The following DACH2 variants were observed in gnomAD, a reference collection of about 807,000 sequenced individuals.
DACH2 encodes dachshund family transcription factor 2, also known as dachshund homolog 2.
A neutral mutation model predicts 35.8 loss-of-function variants in DACH2; 17 were observed. That is an observed-to-expected ratio of 0.48 (90% CI 0.33 to 0.71). The LOEUF (loss-of-function observed/expected upper bound fraction) is 0.71. DACH2 is among the 30% of genes least tolerant of loss of function. The pLI, the probability that DACH2 is intolerant of heterozygous loss-of-function variation, is 0.02. For synonymous variants in DACH2, 195 were observed against 177.3 expected, an observed-to-expected ratio of 1.10 and a Z score of -0.79; for missense variants, 469 against 472.7, an observed-to-expected ratio of 0.99 and a Z score of 0.07.
At position 86,585,862 on chromosome X, in the gene DACH2, C is replaced by T. The variant is rs768735490; in HGVS notation, c.641-65174C>T. Among the ~76,000 whole-genome samples the T allele has an allele frequency of 2.7e-5, 3 of 110,906 alleles. No homozygotes were observed. The South Asian group carries it at 1.1e-3, about 42-fold the overall frequency. On this transcript the variant is annotated intron_variant, in intron 3 of 11. Coordinates refer to ENST00000373125, the MANE Select transcript of DACH2 (RefSeq NM_053281.3). ...ATATCTTTGCTATTGTGAATAGTGC[C>T]GTAATGAATATGTGTGTGCATGTGT...
chrX:86,284,282 G>T (rs914038133), intron 1 of DACH2, among the ~76,000 whole-genome samples: 1 of 111,242 alleles, frequency 9.0e-6, no homozygotes, highest in Admixed American at 9.6e-5. Context: ...CAGATTTTTA[G>T]GGTATTTATC....
intron 7 of DACH2, among the ~76,000 whole-genome samples, chrX:86,760,672 G>A (rs1015144693): frequency 2.7e-5 from 3 of 110,364 alleles, no homozygotes; most frequent in South Asian, 7.5e-4. Flanking sequence ...CTTTAATATC[G>A]ATATTTTAAA....
Position 86,344,248 on chromosome X carries a change from G to A in DACH2, c.489-32576G>A, listed in dbSNP as rs375588506. Among the ~76,000 whole-genome samples the A allele has an allele frequency of 1.2e-4, 13 of 107,006 alleles. No homozygotes were observed. In the Admixed American group the frequency reaches 1.3e-3, roughly 11 times the overall value. The allele number at this position is 107,006 out of a possible 115,157, so 92.9% of individuals were successfully genotyped here. ...AAATAAATAAACAAATTCCATCATTGGAAGAACACTGGAAAGAAGCAGCAA... is the reference window on the plus strand; with the variant it reads ...AAATAAATAAACAAATTCCATCATTAGAAGAACACTGGAAAGAAGCAGCAA... On this transcript the variant is annotated intron_variant, in intron 1 of 11. Coordinates refer to ENST00000373125, the MANE Select transcript of DACH2 (RefSeq NM_053281.3).
At chrX:86,765,697 G>GTTTTTTTTTTTTTTTTTTTTTTT (rs2041925172) in intron 7 of DACH2, among the ~76,000 whole-genome samples, 7 of 35,217 alleles carry the variant, frequency 2.0e-4, no homozygotes, top group East Asian at 9.9e-4. Flanking sequence ...GTTGTTTTTT[G>GTTTTTTTTTTTTTTTTTTTTTTT]GTTTTTTTTT....
intron 1 of DACH2, among the ~76,000 whole-genome samples, chrX:86,298,943 T>C (rs2034520523): frequency 8.9e-6 from 1 of 112,251 alleles, no homozygotes; most frequent in Non-Finnish European, 1.9e-5. Flanking sequence ...AACTGTGCTG[T>C]TGAATGATAA....
chrX:86,302,122 ATATTTTATTT>A (rs1201284704), intron 1 of DACH2, among the ~76,000 whole-genome samples: 1 of 111,458 alleles, frequency 9.0e-6, no homozygotes, highest in South Asian at 3.6e-4. Context: ...TTATACATAT[ATATTTTATTT>A]TATTTTATTA....
intron 2 of DACH2, among the ~76,000 whole-genome samples, chrX:86,400,977 G>A (rs998068191): frequency 4.4e-5 from 5 of 112,485 alleles, no homozygotes; most frequent in Admixed American, 9.3e-5. Flanking sequence ...GCACCCAGAG[G>A]TGGAGCCTAC....
At chrX:86,283,595 G>A (rs1349578316) in intron 1 of DACH2, among the ~76,000 whole-genome samples, 2 of 110,222 alleles carry the variant, frequency 1.8e-5, no homozygotes, top group Non-Finnish European at 3.8e-5. Flanking sequence ...GGATGAAGCT[G>A]GAAACTATCA....
At chrX:86,604,855 A>G (rs772396872) in intron 3 of DACH2, among the ~76,000 whole-genome samples, 7 of 111,636 alleles carry the variant, frequency 6.3e-5, no homozygotes, top group Non-Finnish European at 1.3e-4. Context: ...TGAGAAAGAT[A>G]TGGATATGTT....
chrX:86,721,884 C>T (rs1368223531), intron 6 of DACH2, among the ~76,000 whole-genome samples: 2 of 111,167 alleles, frequency 1.8e-5, no homozygotes, highest in African/African-American at 3.3e-5. Flanking sequence ...AATGAATGCC[C>T]GATGCTTATA....
intron 2 of DACH2, among the ~76,000 whole-genome samples, chrX:86,384,143 C>T (rs1338456746): frequency 9.1e-6 from 1 of 110,398 alleles, no homozygotes; most frequent in African/African-American, 3.3e-5. Flanking sequence ...GGTGACAGAC[C>T]ATGAATTTCT....
At chrX:86,673,355 A>G in intron 4 of DACH2, among the ~76,000 whole-genome samples, 1 of 109,158 alleles carries the variant, frequency 9.2e-6, no homozygotes, top group South Asian at 3.9e-4. Context: ...AAAAAAAAAA[A>G]AAAAGAAGAA....
intron 3 of DACH2, among the ~76,000 whole-genome samples, chrX:86,544,613 A>G (rs748731967): frequency 9.0e-6 from 1 of 111,435 alleles, no homozygotes; most frequent in Non-Finnish European, 1.9e-5. Context: ...TGTTACCACC[A>G]GACAGGCCTT....
chrX:86,679,628 G>C (rs1229451326), intron 4 of DACH2, among the ~76,000 whole-genome samples: 3 of 105,566 alleles, frequency 2.8e-5, no homozygotes, highest in African/African-American at 1.0e-4. Flanking sequence ...GTGTGTGTGT[G>C]TGTGTGTGTG....
chrX:86,434,752 C>G (rs1180367908), intron 2 of DACH2, among the ~76,000 whole-genome samples: 10 of 111,474 alleles, frequency 9.0e-5, no homozygotes, highest in Non-Finnish European at 1.9e-4. Context: ...ATACCAGAGA[C>G]TGGGTAATTT....
chrX:86,286,810 T>G (rs2034161000), intron 1 of DACH2, among the ~76,000 whole-genome samples: 1 of 112,235 alleles, frequency 8.9e-6, no homozygotes, highest in Non-Finnish European at 1.9e-5. Context: ...TTGTTTCTAT[T>G]TAAATCTTAT....
chrX:86,399,035 T>A (rs1167437338), intron 2 of DACH2, among the ~76,000 whole-genome samples: 11 of 111,746 alleles, frequency 9.8e-5, no homozygotes, highest in African/African-American at 3.6e-4. Flanking sequence ...TCTTTGTAGG[T>A]CACTAAGGAC....
At position 86,148,538 on chromosome X, in the gene DACH2, T is replaced by C; in HGVS notation, c.-83T>C. ...GAGAGCGCGCCAGAGAGAGCGAGAG[T>C]GAGGGAGTGAGTGCGAGGGGATCTA... On this transcript the variant is annotated 5_prime_UTR_variant, in exon 1 of 12. Transcript: ENST00000373125. The C allele has an allele frequency of 9.8e-7, 1 of 1,016,158 alleles. No individual in the cohort carries two copies. The allele number at this position is 1,016,158 out of a possible 1,213,427, so 83.7% of individuals were successfully genotyped here. A position where few individuals can be genotyped will look rare whatever the true frequency, so the allele number is the denominator to read the frequency against.
intron 7 of DACH2, among the ~76,000 whole-genome samples, chrX:86,741,165 T>C (rs1462516096): frequency 8.9e-6 from 1 of 111,876 alleles, no homozygotes; most frequent in Non-Finnish European, 1.9e-5. Flanking sequence ...TCCAAAATAA[T>C]GTATTTTCTT....
Sources: allele counts gnomAD v4.1 joint callset (sites outside exome capture counted in the v4.1 genomes callset), GRCh38; gene constraint gnomAD v4.1.1; transcripts MANE v1.5; gene names NCBI Gene and HGNC (gene_info 2026-07-23, HGNC 2026-07-21).